Variants in DCAF8L2 observed in about 807,000 individuals in gnomAD.
DCAF8L2 encodes the protein DDB1- and CUL4-associated factor 8-like protein 2.
For missense variants in DCAF8L2, 430 were observed against 490.7 expected (o/e 0.88, Z 1.17); for synonymous variants, 200 against 190.9 (o/e 1.05, Z -0.39).
chrX:27,568,198 C>A, the DCAF8L2 span, among the ~76,000 whole-genome samples: 4 of 111,450 alleles, frequency 3.6e-5, no homozygotes, highest in Non-Finnish European at 5.7e-5. Flanking sequence ...CCCATTATAA[C>A]CTAAAATTTT....
the DCAF8L2 span, among the ~76,000 whole-genome samples, chrX:27,485,711 C>CA: frequency 9.1e-6 from 1 of 110,495 alleles, no homozygotes; most frequent in Non-Finnish European, 1.9e-5. Context: ...TTATATGACA[C>CA]AAAAAATCCT....
At chrX:27,744,626 CA>C (rs1268136546) in intron 4 of DCAF8L2, among the ~76,000 whole-genome samples, 1 of 111,319 alleles carries the variant, frequency 9.0e-6, no homozygotes, top group East Asian at 2.8e-4. Flanking sequence ...TAAAAGCTAT[CA>C]AAAAAACTGA....
At chrX:27,585,688 A>G (rs1165041001), upstream of DCAF8L2, among the ~76,000 whole-genome samples, 1 of 112,083 alleles carries the variant, frequency 8.9e-6, no homozygotes, top group Non-Finnish European at 1.9e-5. Context: ...CAAATCTAGT[A>G]GATTTTATTT....
At chrX:27,725,425 A>G (rs1399077251) in intron 4 of DCAF8L2, among the ~76,000 whole-genome samples, 2 of 111,133 alleles carry the variant, frequency 1.8e-5, no homozygotes, top group Non-Finnish European at 3.8e-5. Flanking sequence ...AATAATAGCT[A>G]GAATTGGAGA....
At chrX:27,567,497 A>T in the DCAF8L2 span, among the ~76,000 whole-genome samples, 1 of 95,824 alleles carries the variant, frequency 1.0e-5, no homozygotes, top group African/African-American at 3.8e-5. Flanking sequence ...TTCCCTCTAG[A>T]GACAGTGTTA....
chrX:27,639,126 C>T (rs1304096690), intron 2 of DCAF8L2, among the ~76,000 whole-genome samples: 1 of 112,114 alleles, frequency 8.9e-6, no homozygotes, highest in East Asian at 2.8e-4. Context: ...TAATGACATC[C>T]AGTCATTTCA....
intron 1 of DCAF8L2, among the ~76,000 whole-genome samples, chrX:27,601,550 G>A (rs1029187654): frequency 1.4e-4 from 16 of 110,838 alleles, no homozygotes; most frequent in African/African-American, 4.3e-4. Flanking sequence ...AAATACAGAA[G>A]TTAGCCGAAC....
intron 2 of DCAF8L2, among the ~76,000 whole-genome samples, chrX:27,663,783 C>A (rs1929638590): frequency 9.2e-6 from 1 of 109,216 alleles, no homozygotes; most frequent in Non-Finnish European, 1.9e-5. Flanking sequence ...CTGCAATCTC[C>A]ACCTCCCAGA....
intron 1 of DCAF8L2, among the ~76,000 whole-genome samples, chrX:27,614,030 C>T (rs1171922305): frequency 1.8e-5 from 2 of 111,419 alleles, no homozygotes; most frequent in African/African-American, 6.5e-5. Flanking sequence ...AGGAATGGTA[C>T]CAGTTCCTCT....
At chrX:27,522,837 A>T in the DCAF8L2 span, among the ~76,000 whole-genome samples, 1 of 111,516 alleles carries the variant, frequency 9.0e-6, no homozygotes, top group Non-Finnish European at 1.9e-5. Context: ...GACATGAAGC[A>T]AGTAGATAAG....
chrX:27,707,014 A>G (rs777606760), intron 3 of DCAF8L2, among the ~76,000 whole-genome samples: 1 of 112,228 alleles, frequency 8.9e-6, no homozygotes. Context: ...TATGCTAATG[A>G]AATAAGCCAG....
intron 1 of DCAF8L2, among the ~76,000 whole-genome samples, chrX:27,608,384 T>TAATAA (rs1315475780): frequency 1.8e-5 from 2 of 112,037 alleles, no homozygotes; most frequent in African/African-American, 6.5e-5. Context: ...TGTCGTATTG[T>TAATAA]AATAAAATAA....
the DCAF8L2 span, among the ~76,000 whole-genome samples, chrX:27,533,630 A>G: frequency 9.0e-6 from 1 of 111,619 alleles, no homozygotes; most frequent in African/African-American, 3.3e-5. Context: ...GTGATATATC[A>G]TATCTGGTGT....
At chrX:27,522,858 A>G in the DCAF8L2 span, among the ~76,000 whole-genome samples, 3 of 111,633 alleles carry the variant, frequency 2.7e-5, no homozygotes, top group African/African-American at 9.8e-5. Context: ...CTTAACCTGT[A>G]CTCATGAACA....
At chrX:27,686,332 C>T (rs1602785) in intron 3 of DCAF8L2, among the ~76,000 whole-genome samples, 10,788 of 110,970 alleles carry the variant, frequency 0.097, 485 homozygotes, top group East Asian at 0.35. Flanking sequence ...TGAAATCAAC[C>T]TGTGTCCATA....
chrX:27,529,636 C>T, the DCAF8L2 span, among the ~76,000 whole-genome samples: 2 of 111,413 alleles, frequency 1.8e-5, no homozygotes, highest in Non-Finnish European at 3.8e-5. Flanking sequence ...TTCTCAAAAC[C>T]AATTAGTGAT....
At chrX:27,505,267 G>A in the DCAF8L2 span, among the ~76,000 whole-genome samples, 54 of 111,218 alleles carry the variant, frequency 4.9e-4, 1 homozygote, top group Non-Finnish European at 9.1e-4. Context: ...ATAGATGTAT[G>A]ACTTAAAAGC....
At chrX:27,561,705 T>C in the DCAF8L2 span, among the ~76,000 whole-genome samples, 1 of 111,694 alleles carries the variant, frequency 9.0e-6, no homozygotes, top group Non-Finnish European at 1.9e-5. Context: ...TTCTTTCATT[T>C]AGTGCATTTT....
rs1261434387 is a variant in DCAF8L2, at chrX:27,749,526, A to T, written c.*735A>T. Among the ~76,000 whole-genome samples the T allele has an allele frequency of 8.9e-6, 1 of 112,039 alleles. No homozygotes were observed. Among genetic ancestry groups the T allele is most frequent in the East Asian group, 2.8e-4 (1 of 3,587 alleles). ...TATATTAATAATTTTGAAAAATTTGAGTACACTGTAGCTGGTAAGAACTAA... is the reference window on the plus strand; with the variant it reads ...TATATTAATAATTTTGAAAAATTTGTGTACACTGTAGCTGGTAAGAACTAA... On this transcript the variant is annotated 3_prime_UTR_variant, in exon 5 of 5. Coordinates refer to ENST00000451261, the MANE Select transcript of DCAF8L2 (RefSeq NM_001353450.2).
Sources: gnomAD v4.1 joint callset for allele counts (sites outside exome capture counted in the v4.1 genomes callset) on GRCh38, gnomAD v4.1.1 for gene constraint, MANE v1.5 for transcripts, NCBI Gene and HGNC (gene_info 2026-07-23, HGNC 2026-07-21) for gene names.